The following DNAH17 variants were observed in gnomAD, a reference collection of about 807,000 sequenced individuals.
The protein encoded by DNAH17 is axonemal beta dynein heavy chain 17.
DNAH17 carries 376 observed loss-of-function variants against 485.6 expected under a neutral mutation model. The observed-to-expected ratio is 0.77, with a 90% CI of 0.71 to 0.84. The LOEUF is 0.84. Among genes scored for constraint, DNAH17 ranks in the 40% least tolerant of loss-of-function variants. The probability of loss-of-function intolerance (pLI) is 0.00; values close to 1 mark genes in which losing one functional copy is unlikely to be tolerated. For missense variants in DNAH17, 6,370 were observed against 5,839.3 expected, an observed-to-expected ratio of 1.09 and a Z score of -2.96; for synonymous variants, 3,031 against 2,405.9, an observed-to-expected ratio of 1.26 and a Z score of -7.60.
chr17:78,439,973 CT>C (rs2087005514), intron 72 of DNAH17, among the ~76,000 whole-genome samples: 1 of 151,208 alleles, frequency 6.6e-6, no homozygotes, highest in Non-Finnish European at 1.5e-5. Flanking sequence ...GCTGGCCTCA[CT>C]TTTTTTTGAG....
chr17:78,453,291 C>G (rs1027168719), intron 65 of DNAH17, 52 bp downstream of exon 65: 1 of 1,597,904 alleles, frequency 6.3e-7, no homozygotes, highest in Non-Finnish European at 8.5e-7. Context: ...GCCCAGGCCT[C>G]GGGCCTGAAG....
chr17:78,508,609 C>G (rs1157053976), intron 27 of DNAH17, among the ~76,000 whole-genome samples: 1 of 152,062 alleles, frequency 6.6e-6, no homozygotes, highest in Non-Finnish European at 1.5e-5. Flanking sequence ...CCTCCTCTAC[C>G]TATGATGCCA....
At chr17:78,574,357 G>A (rs938029647) in intron 2 of DNAH17, among the ~76,000 whole-genome samples, 7 of 152,102 alleles carry the variant, frequency 4.6e-5, no homozygotes, top group Non-Finnish European at 7.4e-5. Context: ...ACGAAAATTA[G>A]CCAGGTGTGG....
chr17:78,544,800 C>CAAA (rs55669221), intron 16 of DNAH17, among the ~76,000 whole-genome samples: 567 of 46,744 alleles, frequency 0.012, 65 homozygotes, highest in Middle Eastern at 0.05. Context: ...GACTCAGTCT[C>CAAA]AAAAAAAAAA....
intron 48 of DNAH17, 131 bp downstream of exon 48, chr17:78,484,737 G>GGACCCCCCTGCCGCCCC (rs2089512931): frequency 3.5e-6 from 1 of 282,422 alleles, no homozygotes; most frequent in Non-Finnish European, 5.7e-6. Flanking sequence ...CCACGTTGCA[G>GGACCCCCCTGCCGCCCC]CACCCCCCCC....
At chr17:78,508,384 C>T (rs925785302) in intron 27 of DNAH17, among the ~76,000 whole-genome samples, 9 of 152,224 alleles carry the variant, frequency 5.9e-5, no homozygotes, top group African/African-American at 2.2e-4. Flanking sequence ...ACCTTCCAGC[C>T]TCTTACACAG....
chr17:78,438,182 T>G (rs1331368441), intron 73 of DNAH17, among the ~76,000 whole-genome samples: 2 of 151,328 alleles, frequency 1.3e-5, no homozygotes, highest in African/African-American at 4.9e-5. Flanking sequence ...TCCCCACCCC[T>G]CCTCTTGAAG....
At chr17:78,573,201 TAGG>T (rs1433863318) in intron 2 of DNAH17, among the ~76,000 whole-genome samples, 1 of 152,186 alleles carries the variant, frequency 6.6e-6, no homozygotes, top group African/African-American at 2.4e-5. Flanking sequence ...GCTAAAAGCC[TAGG>T]AGGACTGTGA....
Position 78,462,857 on chromosome 17 carries a change from C to T in DNAH17, c.9161G>A (p.Ser3054Asn). ...CCCCTCTCCTACCTGGGAAGCCGTG[C>T]TCTGCAGCTTCATCAGGCCGTTCTC... ...RLENGLMKLQ[S>N]TASQVDDLKA... The change falls in exon 57 of 81, where the codon AGC (serine) becomes AAC (asparagine). Residue 3054 changes from serine (S) to asparagine (N), a missense_variant. Physicochemically the swap from Ser to Asn is conservative, Grantham distance 46 (BLOSUM62 1). Coordinates refer to ENST00000389840, the MANE Select transcript of DNAH17 (RefSeq NM_173628.4). 6.2e-7 allele frequency: 1 copy of T among 1,613,982 alleles called. No individual in the cohort carries two copies. The highest frequency in any genetic ancestry group is 8.5e-7 in the Non-Finnish European group (1 of 1,179,872).
Position 78,507,674 on chromosome 17 carries a change from C to T in DNAH17, c.4368G>A (p.Leu1456=), listed in dbSNP as rs1409838179. The T allele has an allele frequency of 1.2e-6, 2 of 1,613,132 alleles. No homozygotes were observed. Among genetic ancestry groups the T allele is most frequent in the Non-Finnish European group, 1.7e-6 (2 of 1,179,980 alleles). The change falls in exon 28 of 81, where the codon CTG becomes CTA. Residue 1456 remains leucine (L), a synonymous_variant. Transcript: ENST00000389840. ...VETLEDNQVQ[L]QNLMMSKYLA... is the part of the protein sequence containing the mutation. ...GGTACTTGGACATCATCAGGTTCTGCAGCTGCACCTGGTTGTCCTCCAGCG... is the reference window on the plus strand; with the variant it reads ...GGTACTTGGACATCATCAGGTTCTGTAGCTGCACCTGGTTGTCCTCCAGCG...
intron 25 of DNAH17, among the ~76,000 whole-genome samples, chr17:78,524,572 G>T (rs1307862576): frequency 6.6e-6 from 1 of 151,974 alleles, no homozygotes; most frequent in Non-Finnish European, 1.5e-5. Context: ...CATTACATCT[G>T]CCTTGACTGT....
chr17:78,516,570 A>G (rs2090786464), intron 25 of DNAH17, among the ~76,000 whole-genome samples: 1 of 152,066 alleles, frequency 6.6e-6, no homozygotes, highest in Non-Finnish European at 1.5e-5. Context: ...GGTGCCTGTA[A>G]TCCCAGCTAC....
At chr17:78,517,456 CAGA>C (rs1175382828) in intron 25 of DNAH17, among the ~76,000 whole-genome samples, 1 of 152,218 alleles carries the variant, frequency 6.6e-6, no homozygotes, top group Non-Finnish European at 1.5e-5. Context: ...TGCACACACA[CAGA>C]AGAAGAAATA....
chr17:78,471,473 G>T (rs1418636747), intron 54 of DNAH17, among the ~76,000 whole-genome samples: 1 of 152,188 alleles, frequency 6.6e-6, no homozygotes, highest in African/African-American at 2.4e-5. Flanking sequence ...AGTGTAGCAA[G>T]GACATTGGGT....
chr17:78,493,772 C>T (rs368274956), intron 41 of DNAH17, among the ~76,000 whole-genome samples: 11 of 152,336 alleles, frequency 7.2e-5, no homozygotes, highest in East Asian at 3.9e-4. Flanking sequence ...AAGTGACTGA[C>T]GTCAAGGAGA....
chr17:78,539,671 A>C, intron 18 of DNAH17, 66 bp downstream of exon 18: 3 of 1,333,618 alleles, frequency 2.2e-6, no homozygotes, highest in South Asian at 3.4e-5. Context: ...AAGAAACTAG[A>C]AACTATAGAT....
chr17:78,517,844 T>C (rs7216759), intron 25 of DNAH17, among the ~76,000 whole-genome samples: 1,808 of 152,242 alleles, frequency 0.012, 37 homozygotes, highest in African/African-American at 0.041. Flanking sequence ...AACAAGACCA[T>C]GGAAGATTAC....
At chr17:78,557,151 C>G (rs559260249) in intron 14 of DNAH17, among the ~76,000 whole-genome samples, 12 of 152,296 alleles carry the variant, frequency 7.9e-5, no homozygotes, top group Non-Finnish European at 1.5e-4. Flanking sequence ...AAGAGCTGAG[C>G]AGGGACCGCC....
intron 54 of DNAH17, among the ~76,000 whole-genome samples, chr17:78,474,897 C>A (rs1183493182): frequency 7.2e-6 from 1 of 138,836 alleles, no homozygotes; most frequent in East Asian, 2.1e-4. Flanking sequence ...GTCACATGGG[C>A]CGGGAGGTTT....
Sources: gnomAD v4.1 joint callset for allele counts (sites outside exome capture counted in the v4.1 genomes callset) on GRCh38, gnomAD v4.1.1 for gene constraint, MANE v1.5 for transcripts, NCBI Gene and HGNC (gene_info 2026-07-23, HGNC 2026-07-21) for gene names.